The following MAGI1 variants were observed in gnomAD, a reference collection of about 807,000 sequenced individuals.
MAGI1 encodes membrane-associated guanylate kinase, WW and PDZ domain-containing protein 1.
A neutral mutation model predicts 139.9 loss-of-function variants in MAGI1; 58 were observed. The ratio of observed to expected loss-of-function variants is 0.41; its 90% CI spans 0.34 to 0.52. The LOEUF (loss-of-function observed/expected upper bound fraction) is 0.52, where lower values mean the gene tolerates loss of function less well. Ranked by LOEUF, MAGI1 falls within the 20% of genes least tolerant of loss-of-function variation. MAGI1 has a pLI of 0.12. For missense variants in MAGI1, 1,874 were observed against 1,901.6 expected, an observed-to-expected ratio of 0.99 and a Z score of 0.27; for synonymous variants, 812 against 737.9, an observed-to-expected ratio of 1.10 and a Z score of -1.63.
intron 12 of MAGI1, among the ~76,000 whole-genome samples, chr3:65,410,151 G>A (rs911110913): frequency 1.3e-5 from 2 of 152,224 alleles, no homozygotes; most frequent in South Asian, 2.1e-4. Context: ...CAATTCCTGA[G>A]AAATAAATGG....
chr3:65,649,258 T>C (rs2085446781), intron 1 of MAGI1, among the ~76,000 whole-genome samples: 1 of 152,136 alleles, frequency 6.6e-6, no homozygotes, highest in Non-Finnish European at 1.5e-5. Flanking sequence ...GGTGTGCACC[T>C]GTAGTTCCTG....
chr3:65,771,485 CATAA>C (rs1012413936), intron 1 of MAGI1, among the ~76,000 whole-genome samples: 5 of 152,104 alleles, frequency 3.3e-5, no homozygotes, highest in African/African-American at 1.2e-4. Context: ...TTTATTTCAT[CATAA>C]ATAAAGAAAA....
intron 5 of MAGI1, among the ~76,000 whole-genome samples, chr3:65,454,796 A>C (rs1165036240): frequency 6.6e-6 from 1 of 151,730 alleles, no homozygotes; most frequent in African/African-American, 2.4e-5. Context: ...AACTGTGTTA[A>C]AATAAAAATA....
intron 1 of MAGI1, among the ~76,000 whole-genome samples, chr3:66,023,281 C>A (rs1484050200): frequency 6.6e-6 from 1 of 152,160 alleles, no homozygotes; most frequent in Non-Finnish European, 1.5e-5. Flanking sequence ...AAAAGACACA[C>A]AGTACAAGTC....
intron 1 of MAGI1, among the ~76,000 whole-genome samples, chr3:65,866,839 AAAG>A (rs2059747152): frequency 6.6e-6 from 1 of 152,198 alleles, no homozygotes; most frequent in South Asian, 2.1e-4. Context: ...ACCAAGAGCA[AAAG>A]AAGTCAGCTA....
At chr3:65,364,165 T>TTA (rs1469443469) in intron 20 of MAGI1, among the ~76,000 whole-genome samples, 2 of 89,422 alleles carry the variant, frequency 2.2e-5, no homozygotes, top group African/African-American at 9.0e-5. Context: ...CCCTGTCTCT[T>TTA]AAAAAAAAAA....
chr3:66,008,411 T>A (rs1049402942), intron 1 of MAGI1, among the ~76,000 whole-genome samples: 15 of 152,260 alleles, frequency 9.9e-5, no homozygotes, highest in Non-Finnish European at 7.3e-5. Flanking sequence ...TCCTCCTCCA[T>A]TTAGTCTCTA....
intron 22 of MAGI1, 24 bp downstream of exon 22, chr3:65,361,175 G>A (rs758396419): frequency 2.5e-6 from 4 of 1,614,100 alleles, no homozygotes; most frequent in Non-Finnish European, 3.4e-6. Flanking sequence ...GGGAAGGAAG[G>A]AATGTTTTCA....
At chr3:65,723,075 C>T (rs1344982155) in intron 1 of MAGI1, among the ~76,000 whole-genome samples, 1 of 152,020 alleles carries the variant, frequency 6.6e-6, no homozygotes, top group Non-Finnish European at 1.5e-5. Flanking sequence ...CCCGGACTGT[C>T]ATCATACAGG....
chr3:65,425,600 T>G (rs1375542757), intron 12 of MAGI1, among the ~76,000 whole-genome samples: 3 of 152,206 alleles, frequency 2.0e-5, no homozygotes, highest in South Asian at 2.1e-4. Context: ...GGGCAGAGTT[T>G]GTACTCAAGG....
chr3:65,976,237 C>T (rs1406709718), intron 1 of MAGI1, among the ~76,000 whole-genome samples: 1 of 152,168 alleles, frequency 6.6e-6, no homozygotes, highest in African/African-American at 2.4e-5. Flanking sequence ...CAAACCATCA[C>T]CAATACCTTA....
chr3:65,830,566 T>C (rs1003711754), intron 1 of MAGI1, among the ~76,000 whole-genome samples: 2 of 152,186 alleles, frequency 1.3e-5, no homozygotes, highest in African/African-American at 4.8e-5. Context: ...CAGATTTCCA[T>C]AGCCAGATTC....
At chr3:65,688,311 C>T (rs1466632584) in intron 1 of MAGI1, 2 of 767,424 alleles carry the variant, frequency 2.6e-6, no homozygotes, top group South Asian at 2.6e-5. Flanking sequence ...TGATGCCAGA[C>T]ATCTTACTTC....
chr3:65,708,660 G>C (rs977329163), intron 1 of MAGI1, among the ~76,000 whole-genome samples: 2 of 151,794 alleles, frequency 1.3e-5, no homozygotes, highest in Non-Finnish European at 2.9e-5. Flanking sequence ...GGGAAGAAGA[G>C]GAGAATGATG....
At chr3:65,475,215 T>C (rs1027019470) in intron 4 of MAGI1, among the ~76,000 whole-genome samples, 4 of 152,124 alleles carry the variant, frequency 2.6e-5, no homozygotes, top group African/African-American at 9.7e-5. Flanking sequence ...ACATTTTCTT[T>C]CTTCTTTCTT....
Position 65,356,999 on chromosome 3 carries a change from A to G in MAGI1, c.3768T>C (p.His1256=), listed in dbSNP as rs1045253565. Reference sequence around the variant, plus strand: ...CCCTTGCGTGTGCCCGCTTTTCCCCATGTGGTGATGATTTGTGAAGATCGG... The same window carrying G: ...CCCTTGCGTGTGCCCGCTTTTCCCCGTGTGGTGATGATTTGTGAAGATCGG... ...YPPDLHKSSP[H]GEKRAHARDP... The change falls in exon 23 of 23, where the codon CAT becomes CAC. Residue 1256 remains histidine (H), a synonymous_variant. Transcript: ENST00000402939. 9 of 1,613,828 alleles carry G rather than the reference A, an allele frequency of 5.6e-6. No individual in the cohort carries two copies. The highest frequency in any genetic ancestry group is 7.6e-6 in the Non-Finnish European group (9 of 1,179,966).
At chr3:65,539,645 C>A (rs940009297) in intron 2 of MAGI1, among the ~76,000 whole-genome samples, 1 of 152,188 alleles carries the variant, frequency 6.6e-6, no homozygotes, top group Non-Finnish European at 1.5e-5. Flanking sequence ...AGGCTTTCCA[C>A]ACTATTCCTA....
intron 1 of MAGI1, among the ~76,000 whole-genome samples, chr3:65,636,725 T>C (rs184678498): frequency 0.012 from 1,536 of 123,720 alleles, 28 homozygotes; most frequent in African/African-American, 0.039. Context: ...CACACACACA[T>C]ACACACACAC....
At chr3:65,506,477 G>A (rs966899219) in intron 2 of MAGI1, among the ~76,000 whole-genome samples, 1 of 152,120 alleles carries the variant, frequency 6.6e-6, no homozygotes, top group Non-Finnish European at 1.5e-5. Flanking sequence ...ATTCTTCCAA[G>A]AGGGGTATAT....
Sources: allele counts gnomAD v4.1 joint callset (sites outside exome capture counted in the v4.1 genomes callset), GRCh38; gene constraint gnomAD v4.1.1; transcripts MANE v1.5; gene names NCBI Gene and HGNC (gene_info 2026-07-23, HGNC 2026-07-21).